The following KCNMA1 variants were observed in gnomAD, a reference collection of about 807,000 sequenced individuals.
KCNMA1 encodes the protein potassium calcium-activated channel subfamily M alpha 1.
A neutral mutation model predicts 140.0 loss-of-function variants in KCNMA1; 29 were observed. The ratio of observed to expected loss-of-function variants is 0.21; its 90% CI spans 0.15 to 0.28. KCNMA1 has a LOEUF of 0.28. Ranked by LOEUF, KCNMA1 falls within the 10% of genes least tolerant of loss-of-function variation. The pLI is 1.00. For missense variants in KCNMA1, 880 were observed against 1,602.2 expected (o/e 0.55, Z 7.70); for synonymous variants, 612 against 611.9 (o/e 1.00, Z 0.00).
chr10:77,242,945 C>A (rs903592178), intron 3 of KCNMA1, among the ~76,000 whole-genome samples: 1 of 149,332 alleles, frequency 6.7e-6, no homozygotes, highest in Middle Eastern at 3.4e-3. Context: ...CACACAGAGT[C>A]TTTCTCTCCC....
chr10:77,442,587 G>A (rs1490108929), intron 1 of KCNMA1, among the ~76,000 whole-genome samples: 2 of 152,080 alleles, frequency 1.3e-5, no homozygotes, highest in Admixed American at 6.5e-5. Context: ...GCACAATAAC[G>A]ATACTGACCT....
At chr10:77,122,085 C>T (rs1178592761) in intron 5 of KCNMA1, among the ~76,000 whole-genome samples, 1 of 152,202 alleles carries the variant, frequency 6.6e-6, no homozygotes. Flanking sequence ...GCTTTGTTCT[C>T]CCACGCCCGT....
rs548362662 is a variant in KCNMA1 at position 77,292,307 on chromosome 10, C to T, written c.541-41051G>A. Among the ~76,000 whole-genome samples the T allele has an allele frequency of 3.9e-5, 6 of 152,298 alleles. No homozygotes were observed. The South Asian group carries it at 6.2e-4, about 16-fold the overall frequency. ...GAAAGCTGACTCCTTTGGAGTGGTG[C>T]GTTCCATTAATTCATCCATCCAACA... On this transcript the variant is annotated intron_variant, in intron 2 of 27. Transcript: ENST00000286628.
intron 2 of KCNMA1, among the ~76,000 whole-genome samples, chr10:77,331,199 C>T (rs1418211942): frequency 6.6e-6 from 1 of 152,178 alleles, no homozygotes; most frequent in African/African-American, 2.4e-5. Context: ...GCTGGCCTGA[C>T]CCACCCCAGC....
chr10:77,632,594 C>G (rs959568047), intron 1 of KCNMA1, among the ~76,000 whole-genome samples: 1 of 152,204 alleles, frequency 6.6e-6, no homozygotes, highest in Admixed American at 6.5e-5. Flanking sequence ...AGCCTTGCAA[C>G]AGCCAAGAGC....
chr10:76,950,879 T>G (rs1288608123), intron 21 of KCNMA1, among the ~76,000 whole-genome samples: 1 of 152,148 alleles, frequency 6.6e-6, no homozygotes, highest in Non-Finnish European at 1.5e-5. Flanking sequence ...TTAGAAACTG[T>G]GACCAAGGAA....
In KCNMA1 at chr10:77,324,955, CTCTCTCTCTCTCTCTCTGTGTG is replaced by C. The variant is rs1235237333; in HGVS notation, c.541-73721_541-73700del. Among the ~76,000 whole-genome samples, 18 of 104,196 alleles carry C rather than the reference CTCTCTCTCTCTCTCTCTGTGTG, an allele frequency of 1.7e-4. No homozygotes were observed. In the South Asian group the frequency reaches 3.7e-3, roughly 21 times the overall value. The allele number at this position is 104,196 out of a possible 152,430, so 68.4% of individuals were successfully genotyped here. A position where few individuals can be genotyped will look rare whatever the true frequency, so the allele number is the denominator to read the frequency against. On this transcript the variant is annotated intron_variant, in intron 2 of 27. Coordinates refer to ENST00000286628, the MANE Select transcript of KCNMA1 (RefSeq NM_001161352.2). ...ATAGCTCTAGACTCTCTCTCTCTCT[CTCTCTCTCTCTCTCTCTGTGTG>C]TGTGTGTGTGTGTGTGTGTGTGTGT...
rs537011498 is a variant in KCNMA1, at chr10:77,089,515, G to A, written c.1334+885C>T. On this transcript the variant is annotated intron_variant, in intron 10 of 27. Coordinates refer to ENST00000286628, the MANE Select transcript of KCNMA1 (RefSeq NM_001161352.2). The stretch of plus-strand genomic sequence containing the variant: ...TCTAAAAAGAGGATTAGTCAAAGTT[G>A]AAAACCTCAACATTGGGTAGAAGGG... 5.9e-5 allele frequency among the ~76,000 whole-genome samples: 9 copies of A among 152,204 alleles called. No homozygotes were observed. The East Asian group carries it at 1.7e-3, about 29-fold the overall frequency.
chr10:77,502,208 CT>C (rs1262315851), intron 1 of KCNMA1, among the ~76,000 whole-genome samples: 2 of 152,194 alleles, frequency 1.3e-5, no homozygotes, highest in Non-Finnish European at 2.9e-5. Flanking sequence ...AAGTTTCTTC[CT>C]GACACTCCCA....
chr10:77,431,238 C>T (rs1393422831), intron 1 of KCNMA1, among the ~76,000 whole-genome samples: 1 of 152,148 alleles, frequency 6.6e-6, no homozygotes, highest in African/African-American at 2.4e-5. Context: ...GTCTCTCTTG[C>T]CAAAAGCAGG....
intron 23 of KCNMA1, chr10:76,939,894 A>AC (rs1168036555): frequency 1.3e-5 from 2 of 152,262 alleles, no homozygotes. Context: ...CAGTCTGGCA[A>AC]GAGCCACTGT....
chr10:77,513,425 T>A (rs2049147350), intron 1 of KCNMA1, among the ~76,000 whole-genome samples: 1 of 152,200 alleles, frequency 6.6e-6, no homozygotes, highest in Admixed American at 6.5e-5. Context: ...CCACCGTAGC[T>A]ATCGAATGCA....
chr10:77,392,908 G>A (rs1158109097), intron 2 of KCNMA1, among the ~76,000 whole-genome samples: 4 of 152,202 alleles, frequency 2.6e-5, no homozygotes, highest in Non-Finnish European at 5.9e-5. Flanking sequence ...CACAGTAAGT[G>A]CACTTGACCC....
At position 77,532,153 on chromosome 10, in the gene KCNMA1, A is replaced by T. The variant is rs533740425; in HGVS notation, c.378+105112T>A. Among the ~76,000 whole-genome samples the T allele has an allele frequency of 8.5e-5, 13 of 152,326 alleles. No homozygotes were observed. In the East Asian group the frequency reaches 1.2e-3, roughly 14 times the overall value. The stretch of plus-strand genomic sequence containing the variant: ...CTACGAGAAGCAGCAACTGGGGGGA[A>T]AATGCACTGAACTGTGCTTGGAGAA... On this transcript the variant is annotated intron_variant, in intron 1 of 27. Transcript: ENST00000286628.
intron 1 of KCNMA1, among the ~76,000 whole-genome samples, chr10:77,499,638 G>A (rs1316965229): frequency 1.3e-5 from 2 of 152,086 alleles, no homozygotes; most frequent in African/African-American, 4.8e-5. Context: ...GAAACAAAGT[G>A]CAAAGTGCGA....
At chr10:76,974,970 A>G (rs1180653525) in intron 19 of KCNMA1, among the ~76,000 whole-genome samples, 1 of 152,162 alleles carries the variant, frequency 6.6e-6, no homozygotes, top group African/African-American at 2.4e-5. Flanking sequence ...CGAGTCATCA[A>G]TCCTTGGTGA....
intron 1 of KCNMA1, among the ~76,000 whole-genome samples, chr10:77,556,753 G>A (rs563545216): frequency 6.6e-6 from 1 of 152,198 alleles, no homozygotes; most frequent in East Asian, 1.9e-4. Flanking sequence ...CCCAACTCCA[G>A]GGAACCATCT....
At position 77,008,011 on chromosome 10, in the gene KCNMA1, CTGTAGACTGCAT is replaced by C. The variant is rs67958938; in HGVS notation, c.2092+3944_2092+3955del. Among the ~76,000 whole-genome samples, 27,662 of 151,992 alleles carry C rather than the reference CTGTAGACTGCAT, an allele frequency of 0.18. 2,610 individuals carry two copies. The highest frequency in any genetic ancestry group is 0.22 in the South Asian group (1,076 of 4,792). On this transcript the variant is annotated intron_variant, in intron 18 of 27. Transcript: ENST00000286628. ...GGGGACTCTCTGGCTCCAGGCTACT[CTGTAGACTGCAT>C]TGGGGGATGAAGGAGTTGGGGCATG... is the stretch of plus-strand genomic sequence containing the variant.
chr10:77,166,722 C>A (rs2098646738), intron 5 of KCNMA1, among the ~76,000 whole-genome samples: 1 of 151,792 alleles, frequency 6.6e-6, no homozygotes, highest in South Asian at 2.1e-4. Context: ...TGTATTTTTG[C>A]CTTAATGTAG....
Sources: allele counts gnomAD v4.1 joint callset (sites outside exome capture counted in the v4.1 genomes callset), GRCh38; gene constraint gnomAD v4.1.1; transcripts MANE v1.5; gene names NCBI Gene and HGNC (gene_info 2026-07-23, HGNC 2026-07-21).